Variants in ANO2 observed in about 807,000 individuals in gnomAD.
ANO2 encodes anoctamin-2.
Under a neutral mutation model 124.2 loss-of-function variants are expected in ANO2, and 101 were observed. The observed-to-expected ratio is 0.81, with a 90% CI of 0.69 to 0.96. The LOEUF (loss-of-function observed/expected upper bound fraction) is 0.96, where lower values mean the gene tolerates loss of function less well. Among genes scored for constraint, ANO2 ranks in the 40% least tolerant of loss-of-function variants. ANO2 has a pLI of 0.00. For synonymous variants in ANO2, 486 were observed against 482.5 expected, an observed-to-expected ratio of 1.01 and a Z score of -0.09; for missense variants, 1,293 against 1,274.5, an observed-to-expected ratio of 1.01 and a Z score of -0.22.
chr12:5,726,275 A>G (rs1950434492), intron 14 of ANO2, among the ~76,000 whole-genome samples: 1 of 152,168 alleles, frequency 6.6e-6, no homozygotes, highest in African/African-American at 2.4e-5. Flanking sequence ...AAACTGAGCT[A>G]ATTCTCCCCA....
rs1282420295 is a variant in ANO2, at chr12:5,923,103, T to TAC, written c.23-301_23-300dup. 1.5e-3 allele frequency among the ~76,000 whole-genome samples: 9 copies of TAC among 6,136 alleles called. 1 individual carries two copies. The highest frequency in any genetic ancestry group is 0.01 in the South Asian group (1 of 96). 4.0% of individuals were successfully genotyped at this position (6,136 alleles called of 152,430 possible). A position where few individuals can be genotyped will look rare whatever the true frequency, so the allele number is the denominator to read the frequency against. On this transcript the variant is annotated intron_variant, in intron 1 of 24. Transcript: ENST00000682330. ...ACATACACACACACACGCACACACA[T>TAC]ACACACACATGCACGCACACACACC...
At chr12:5,933,324 C>T (rs961442148) in intron 1 of ANO2, among the ~76,000 whole-genome samples, 9 of 152,292 alleles carry the variant, frequency 5.9e-5, no homozygotes, top group Middle Eastern at 6.8e-3. Flanking sequence ...TGTCTCTAAA[C>T]TTCTCTCCCC....
chr12:5,610,783 C>T (rs1944492662), intron 19 of ANO2, among the ~76,000 whole-genome samples: 1 of 126,956 alleles, frequency 7.9e-6, no homozygotes, highest in Admixed American at 8.3e-5. Flanking sequence ...CTATCATGTT[C>T]ATGGCCCAGC....
chr12:5,759,962 T>C (rs931544989), intron 10 of ANO2, among the ~76,000 whole-genome samples: 2 of 152,120 alleles, frequency 1.3e-5, no homozygotes, highest in Non-Finnish European at 2.9e-5. Context: ...GAAATTTGGA[T>C]CTACACAATG....
intron 10 of ANO2, among the ~76,000 whole-genome samples, chr12:5,770,186 T>C (rs1368535380): frequency 6.6e-6 from 1 of 152,122 alleles, no homozygotes; most frequent in African/African-American, 2.4e-5. Context: ...GCACTGGAAA[T>C]AGATTCCCAA....
chr12:5,762,388 G>A (rs868856658), intron 10 of ANO2, among the ~76,000 whole-genome samples: 4 of 152,052 alleles, frequency 2.6e-5, no homozygotes, highest in Middle Eastern at 3.5e-3. Context: ...TTTATAAAAT[G>A]TTACATAACA....
intron 3 of ANO2, among the ~76,000 whole-genome samples, chr12:5,894,250 T>C (rs953555933): frequency 1.3e-5 from 2 of 151,998 alleles, no homozygotes; most frequent in African/African-American, 4.8e-5. Flanking sequence ...TGGTGATGAG[T>C]TTTTTTTCAT....
intron 10 of ANO2, among the ~76,000 whole-genome samples, chr12:5,761,335 A>G (rs1352274136): frequency 6.6e-6 from 1 of 152,214 alleles, no homozygotes; most frequent in African/African-American, 2.4e-5. Flanking sequence ...ATCAACTGCT[A>G]TAAAAAGTCC....
At chr12:5,589,452 G>A (rs1039371860) in intron 20 of ANO2, among the ~76,000 whole-genome samples, 2 of 152,012 alleles carry the variant, frequency 1.3e-5, no homozygotes, top group African/African-American at 2.4e-5. Context: ...AATTGACCAC[G>A]GCTCAGCATC....
intron 16 of ANO2, among the ~76,000 whole-genome samples, chr12:5,616,659 C>T (rs1944824437): frequency 6.6e-6 from 1 of 152,162 alleles, no homozygotes; most frequent in Admixed American, 6.5e-5. Context: ...GTGTATGGGC[C>T]CCCTAACTTG....
At chr12:5,846,556 A>G (rs1037666161) in intron 4 of ANO2, among the ~76,000 whole-genome samples, 1 of 152,212 alleles carries the variant, frequency 6.6e-6, no homozygotes, top group South Asian at 2.1e-4. Context: ...TTATCACAAC[A>G]TAAATTTATT....
chr12:5,710,976 G>A (rs1667128255), intron 14 of ANO2, among the ~76,000 whole-genome samples: 1 of 151,978 alleles, frequency 6.6e-6, no homozygotes, highest in South Asian at 2.1e-4. Flanking sequence ...GGCTAACACG[G>A]TGAAACCCCG....
intron 14 of ANO2, 76 bp downstream of exon 14, chr12:5,732,444 T>C (rs1187947382): frequency 6.2e-6 from 8 of 1,293,332 alleles, no homozygotes; most frequent in Non-Finnish European, 6.5e-6. Context: ...CTCCCTTCAC[T>C]AAGGCGTGCC....
chr12:5,903,327 C>T (rs1448971494), intron 3 of ANO2, among the ~76,000 whole-genome samples: 4 of 152,160 alleles, frequency 2.6e-5, no homozygotes, highest in Admixed American at 6.5e-5. Flanking sequence ...TGATATATGC[C>T]AGGCACTGCA....
intron 14 of ANO2, among the ~76,000 whole-genome samples, chr12:5,715,371 G>A (rs1408792330): frequency 6.6e-6 from 1 of 152,178 alleles, no homozygotes; most frequent in Non-Finnish European, 1.5e-5. Context: ...TCATTGAAGA[G>A]CTCTTGATCC....
chr12:5,564,901 A>G (rs1487652636), intron 24 of ANO2, among the ~76,000 whole-genome samples: 1 of 152,142 alleles, frequency 6.6e-6, no homozygotes, highest in Non-Finnish European at 1.5e-5. Context: ...AGCCTGAGGG[A>G]GCCAAAGAGA....
Position 5,922,731 on chromosome 12 carries a change from T to C in ANO2, c.96A>G (p.Lys32=). The change falls in exon 2 of 25, where the codon AAA becomes AAG. Residue 32 remains lysine, a synonymous_variant. Transcript: ENST00000682330. ...GCATCTTGAGACACTGCTGTCCATGTTTGGGGCCCTGGCCCCCTCTGGACC... is the reference window on the plus strand; with the variant it reads ...GCATCTTGAGACACTGCTGTCCATGCTTGGGGCCCTGGCCCCCTCTGGACC... ...QAGSRGGQGP[K]HGQQCLKMPG... 6.2e-7 allele frequency: 1 copy of C among 1,600,620 alleles called. No homozygotes were observed. Among genetic ancestry groups the C allele is most frequent in the Non-Finnish European group, 8.5e-7 (1 of 1,174,704 alleles).
rs1945695080 is a variant in ANO2, at chr12:5,631,079, G to A, written c.1816+4073C>T. On this transcript the variant is annotated intron_variant, in intron 16 of 24. Transcript: ENST00000682330. ...CGCACTAGATATGTGGGCTGAGCAA[G>A]AACACAGATGACTTTATGTGATGCA... 3.3e-5 allele frequency among the ~76,000 whole-genome samples: 5 copies of A among 152,198 alleles called. No homozygotes were observed. The South Asian group carries it at 1.0e-3, about 32-fold the overall frequency.
At chr12:5,830,071 T>G (rs912576312) in intron 6 of ANO2, among the ~76,000 whole-genome samples, 2 of 152,072 alleles carry the variant, frequency 1.3e-5, no homozygotes, top group Non-Finnish European at 2.9e-5. Flanking sequence ...ACGCTAACGA[T>G]CTATATAATT....
Sources: allele counts gnomAD v4.1 joint callset (sites outside exome capture counted in the v4.1 genomes callset), GRCh38; gene constraint gnomAD v4.1.1; transcripts MANE v1.5; gene names NCBI Gene and HGNC (gene_info 2026-07-23, HGNC 2026-07-21).